The following CDYL variants were observed in gnomAD, a reference collection of about 807,000 sequenced individuals.
CDYL encodes the protein chromodomain Y-like protein.
In CDYL, 8 loss-of-function variants were observed where a neutral mutation model predicts 47.3. The ratio of observed to expected loss-of-function variants is 0.17; its 90% CI spans 0.10 to 0.31. The LOEUF is 0.31. Ranked by LOEUF, CDYL falls within the 10% of genes least tolerant of loss-of-function variation. CDYL has a pLI of 1.00. For synonymous variants in CDYL, 266 were observed against 265.0 expected, an observed-to-expected ratio of 1.00 and a Z score of -0.04; for missense variants, 471 against 701.4, an observed-to-expected ratio of 0.67 and a Z score of 3.71.
chr6:4,710,379 G>GGGAGGGAGGGAAGGAAGGAAGGAA (rs1554130869), intron 1 of CDYL, among the ~76,000 whole-genome samples: 1 of 101,266 alleles, frequency 9.9e-6, no homozygotes, highest in South Asian at 4.2e-4. Context: ...GAGGGAGGGA[G>GGGAGGGAGGGAAGGAAGGAAGGAA]GGAAGGAAGG....
At chr6:4,726,356 G>A (rs1757512264) in intron 2 of CDYL, among the ~76,000 whole-genome samples, 1 of 152,026 alleles carries the variant, frequency 6.6e-6, no homozygotes, top group Non-Finnish European at 1.5e-5. Context: ...CCAACATGGT[G>A]AAACCCTGTC....
At chr6:4,943,990 A>G (rs1199629249) in intron 5 of CDYL, among the ~76,000 whole-genome samples, 1 of 152,156 alleles carries the variant, frequency 6.6e-6, no homozygotes, top group Admixed American at 6.5e-5. Context: ...ATGGATATCT[A>G]CTGTTAGTAA....
rs1330283110 is a variant in CDYL at position 4,954,373 on chromosome 6, T to TA, written c.*323dup. The TA allele has an allele frequency of 5.7e-6, 1 of 176,124 alleles. No homozygotes were observed. Among genetic ancestry groups the TA allele is most frequent in the Non-Finnish European group, 1.2e-5 (1 of 84,156 alleles). 10.9% of individuals were successfully genotyped at this position (176,124 alleles called of 1,614,324 possible). A position where few individuals can be genotyped will look rare whatever the true frequency, so the allele number is the denominator to read the frequency against. On this transcript the variant is annotated 3_prime_UTR_variant, in exon 7 of 7. Transcript: ENST00000397588. ...TTTGTTTTCTTTGGCTAGTACTGTA[T>TA]AAAAAACAGAATTGTGTTTTATTGG...
chr6:4,914,970 G>A (rs189305758), intron 2 of CDYL, among the ~76,000 whole-genome samples: 20 of 152,368 alleles, frequency 1.3e-4, no homozygotes, highest in African/African-American at 4.8e-4. Flanking sequence ...GGTCGGGCAC[G>A]TATCCTTGCC....
intron 1 of CDYL, among the ~76,000 whole-genome samples, chr6:4,779,390 G>T (rs1314779471): frequency 6.6e-6 from 1 of 150,584 alleles, no homozygotes; most frequent in South Asian, 2.1e-4. Context: ...AGGAGGACAG[G>T]TCTGCAGTAA....
intron 1 of CDYL, among the ~76,000 whole-genome samples, chr6:4,831,510 C>T (rs1030225973): frequency 2.6e-5 from 4 of 152,164 alleles, no homozygotes; most frequent in Non-Finnish European, 4.4e-5. Context: ...CGTCAGGTGG[C>T]GTGATGCCTC....
chr6:4,720,819 T>C (rs975133661), intron 2 of CDYL, among the ~76,000 whole-genome samples: 5 of 152,354 alleles, frequency 3.3e-5, no homozygotes, highest in African/African-American at 9.6e-5. Context: ...ATTCGGATCA[T>C]GGTCGATTTT....
At chr6:4,870,512 G>A (rs1252866521) in intron 1 of CDYL, among the ~76,000 whole-genome samples, 1 of 152,056 alleles carries the variant, frequency 6.6e-6, no homozygotes, top group African/African-American at 2.4e-5. Context: ...TTTGGGCTTT[G>A]TTGAGCTTCT....
intron 2 of CDYL, among the ~76,000 whole-genome samples, chr6:4,734,421 C>G (rs540017192): frequency 6.6e-6 from 1 of 152,320 alleles, no homozygotes; most frequent in East Asian, 1.9e-4. Flanking sequence ...AGCCAGCCAC[C>G]TTGGGCGGGT....
intron 2 of CDYL, among the ~76,000 whole-genome samples, chr6:4,894,973 A>G (rs1476669275): frequency 2.0e-5 from 3 of 150,010 alleles, no homozygotes; most frequent in African/African-American, 7.5e-5. Flanking sequence ...GTATGTGTAT[A>G]TGTGTATGCA....
chr6:4,944,428 G>A (rs115735616), intron 5 of CDYL, among the ~76,000 whole-genome samples: 2,050 of 152,314 alleles, frequency 0.013, 47 homozygotes, highest in African/African-American at 0.047. Flanking sequence ...GGGGTGGGAT[G>A]TGCGGGAAGC....
chr6:4,891,418 G>A (rs1472703740), intron 1 of CDYL, among the ~76,000 whole-genome samples: 3 of 152,190 alleles, frequency 2.0e-5, no homozygotes, highest in Non-Finnish European at 4.4e-5. Flanking sequence ...AAACCAACTC[G>A]GTGGTCAGGC....
At chr6:4,935,839 C>T (rs950090231) in intron 3 of CDYL, 68 bp downstream of exon 3, 51 of 1,594,618 alleles carry the variant, frequency 3.2e-5, no homozygotes, top group Admixed American at 6.8e-5. Context: ...GCCTGCCTGG[C>T]TGAACTGGCT....
chr6:4,778,416 G>A (rs1758527179), intron 1 of CDYL, among the ~76,000 whole-genome samples: 1 of 152,168 alleles, frequency 6.6e-6, no homozygotes, highest in South Asian at 2.1e-4. Flanking sequence ...TATGAACTAA[G>A]TTTAGTTCCT....
At chr6:4,872,720 T>C (rs1015608425) in intron 1 of CDYL, among the ~76,000 whole-genome samples, 1 of 152,230 alleles carries the variant, frequency 6.6e-6, no homozygotes, top group African/African-American at 2.4e-5. Context: ...GGCTTGCCTA[T>C]AACACTGTAG....
At chr6:4,716,396 C>A (rs1392477511) in intron 2 of CDYL, among the ~76,000 whole-genome samples, 1 of 152,138 alleles carries the variant, frequency 6.6e-6, no homozygotes. Flanking sequence ...AATCTCCTAT[C>A]TGGCTTCCCT....
intron 1 of CDYL, among the ~76,000 whole-genome samples, chr6:4,779,305 G>T (rs1028207977): frequency 2.0e-5 from 3 of 152,164 alleles, no homozygotes; most frequent in African/African-American, 7.2e-5. Context: ...TTGGCCTCAG[G>T]CTCCACAAAT....
At chr6:4,709,013 A>T (rs9504213) in intron 1 of CDYL, among the ~76,000 whole-genome samples, 12,512 of 151,998 alleles carry the variant, frequency 0.082, 1,735 homozygotes, top group African/African-American at 0.29. Context: ...TCTTAAAAAA[A>T]ATAAAATAAA....
intron 3 of CDYL, among the ~76,000 whole-genome samples, chr6:4,768,457 T>C (rs395180): frequency 0.38 from 58,342 of 151,978 alleles, 17,270 homozygotes; most frequent in African/African-American, 0.83. Context: ...ATGTCAAAGA[T>C]GCACAGAAGT....
Sources: gnomAD v4.1 joint callset for allele counts (sites outside exome capture counted in the v4.1 genomes callset) on GRCh38, gnomAD v4.1.1 for gene constraint, MANE v1.5 for transcripts, NCBI Gene and HGNC (gene_info 2026-07-23, HGNC 2026-07-21) for gene names.